GRM7: variants seen among roughly 807,000 people sequenced by gnomAD.
The protein encoded by GRM7 is glutamate metabotropic receptor 7, also known as metabotropic glutamate receptor 7.
GRM7 carries 35 observed loss-of-function variants against 84.5 expected under a neutral mutation model. The observed-to-expected ratio is 0.41, with a 90% CI of 0.32 to 0.55. GRM7 has a LOEUF of 0.55. GRM7 is among the 20% of genes least tolerant of loss of function. The pLI, the probability that GRM7 is intolerant of heterozygous loss-of-function variation, is 0.19. For synonymous variants in GRM7, 487 were observed against 455.1 expected (o/e 1.07, Z -0.89); for missense variants, 1,003 against 1,194.6 (o/e 0.84, Z 2.36).
At chr3:7,038,266 A>C (rs1696454082) in intron 1 of GRM7, among the ~76,000 whole-genome samples, 1 of 152,220 alleles carries the variant, frequency 6.6e-6, no homozygotes, top group Admixed American at 6.5e-5. Context: ...TTCTACAGCT[A>C]ACCAAGAAGG....
chr3:7,006,004 G>A (rs901437546), intron 1 of GRM7, among the ~76,000 whole-genome samples: 1 of 152,080 alleles, frequency 6.6e-6, no homozygotes, highest in African/African-American at 2.4e-5. Context: ...AAACCATATG[G>A]CTAAGATAGA....
chr3:6,863,102 C>A lies in GRM7; in HGVS notation c.519+1195C>A, dbSNP rs1198009752. The A allele has an allele frequency of 2.6e-6, 1 of 383,532 alleles. No individual in the cohort carries two copies. The highest frequency in any genetic ancestry group is 3.5e-5 in the Admixed American group (1 of 28,384). The allele number at this position is 383,532 out of a possible 1,614,324, so 23.8% of individuals were successfully genotyped here. A position where few individuals can be genotyped will look rare whatever the true frequency, so the allele number is the denominator to read the frequency against. On this transcript the variant is annotated intron_variant, in intron 1 of 9. Transcript: ENST00000357716. The surrounding 1 kb of genome is among the most constrained non-coding windows in gnomAD (Gnocchi z 4.8). ...TTTCCCTATATGTGCATCACTCTCT[C>A]TTTCTGTCTCTGTCTCCTTGCTGTT...
At position 7,064,505 on chromosome 3, in the gene GRM7, C is replaced by CACATATACATATATATATATACGCATAT. The variant is rs1553612672; in HGVS notation, c.520-81946_520-81945insCATATACATATATATATATACGCATATA. ...ACACACATATACATATATATATACA[C>CACATATACATATATATATATACGCATAT]ATATATATATATACACACACACACA... On this transcript the variant is annotated intron_variant, in intron 1 of 9. Transcript: ENST00000357716. 6.0e-4 allele frequency among the ~76,000 whole-genome samples: 61 copies of CACATATACATATATATATATACGCATAT among 101,018 alleles called. 1 individual carries two copies. The highest frequency in any genetic ancestry group is 2.0e-3 in the African/African-American group (54 of 26,638). The allele number at this position is 101,018 out of a possible 152,430, so 66.3% of individuals were successfully genotyped here.
chr3:6,911,233 C>T (rs1302142990), intron 1 of GRM7, among the ~76,000 whole-genome samples: 1 of 152,044 alleles, frequency 6.6e-6, no homozygotes, highest in East Asian at 1.9e-4. Context: ...CTACTTAATA[C>T]TATTATTAAA....
chr3:7,551,050 A>G (rs1693442835), intron 7 of GRM7, among the ~76,000 whole-genome samples: 2 of 152,202 alleles, frequency 1.3e-5, no homozygotes, highest in South Asian at 4.1e-4. Flanking sequence ...TCACATTTAT[A>G]AAATATGAAA....
intron 2 of GRM7, among the ~76,000 whole-genome samples, chr3:7,263,128 GC>G (rs778566254): frequency 2.0e-5 from 3 of 152,170 alleles, no homozygotes; most frequent in Non-Finnish European, 2.9e-5. Context: ...GTCCTTGGGG[GC>G]TTAGTTGTGG....
chr3:7,219,591 A>C (rs1696731471), intron 2 of GRM7, among the ~76,000 whole-genome samples: 1 of 152,222 alleles, frequency 6.6e-6, no homozygotes, highest in Non-Finnish European at 1.5e-5. Context: ...TAGGGACATT[A>C]ATATGAGCTC....
chr3:7,305,903 C>T (rs899087068), intron 3 of GRM7, among the ~76,000 whole-genome samples: 2 of 152,072 alleles, frequency 1.3e-5, no homozygotes, highest in African/African-American at 4.8e-5. Flanking sequence ...ATTGCAATAA[C>T]TTTTTCATTA....
At chr3:7,272,567 G>T (rs1447011772) in intron 2 of GRM7, among the ~76,000 whole-genome samples, 1 of 152,026 alleles carries the variant, frequency 6.6e-6, no homozygotes, top group African/African-American at 2.4e-5. Context: ...TCTTCTTGTG[G>T]GAGTTTTGGC....
intron 7 of GRM7, among the ~76,000 whole-genome samples, chr3:7,568,897 G>A (rs1028306096): frequency 2.6e-5 from 4 of 152,186 alleles, no homozygotes; most frequent in Non-Finnish European, 4.4e-5. Context: ...GCTCCTGTGC[G>A]GCCCCAGCCT....
intron 8 of GRM7, among the ~76,000 whole-genome samples, chr3:7,650,964 C>T (rs1698908074): frequency 6.6e-6 from 1 of 152,178 alleles, no homozygotes; most frequent in Non-Finnish European, 1.5e-5. Context: ...TGAAGACTGC[C>T]TCCTGATCCT....
intron 4 of GRM7, among the ~76,000 whole-genome samples, chr3:7,331,359 T>C (rs1192833904): frequency 6.6e-6 from 1 of 152,172 alleles, no homozygotes; most frequent in Non-Finnish European, 1.5e-5. Context: ...AGCTGGAAGA[T>C]TGGAGAATTT....
intron 1 of GRM7, among the ~76,000 whole-genome samples, chr3:6,993,442 GT>G (rs1177633644): frequency 6.6e-6 from 1 of 152,160 alleles, no homozygotes; most frequent in African/African-American, 2.4e-5. Context: ...AAGCAAAGAA[GT>G]GGAAACTCAA....
Position 7,229,478 on chromosome 3 carries a change from G to T in GRM7, c.737-69206G>T, listed in dbSNP as rs191805913. 2.4e-3 allele frequency among the ~76,000 whole-genome samples: 363 copies of T among 151,530 alleles called. 1 individual carries two copies. Among genetic ancestry groups the T allele is most frequent in the African/African-American group, 8.2e-3 (341 of 41,360 alleles). On this transcript the variant is annotated intron_variant, in intron 2 of 9. Coordinates refer to ENST00000357716, the MANE Select transcript of GRM7 (RefSeq NM_000844.4). ...GGACCTCAAACCCAAGAACCCAAGC[G>T]CTTTATGAGTATTACGTTAAATTAC... is the stretch of plus-strand genomic sequence containing the variant.
At chr3:7,171,304 A>G (rs886095414) in intron 2 of GRM7, among the ~76,000 whole-genome samples, 1 of 152,010 alleles carries the variant, frequency 6.6e-6, no homozygotes, top group Non-Finnish European at 1.5e-5. Flanking sequence ...CCCTTTTTAT[A>G]AGGATATCAT....
At chr3:7,122,797 A>G (rs1693268512) in intron 1 of GRM7, among the ~76,000 whole-genome samples, 1 of 152,228 alleles carries the variant, frequency 6.6e-6, no homozygotes, top group African/African-American at 2.4e-5. Flanking sequence ...CATCAGACAC[A>G]AATAACTTTT....
chr3:7,730,457 T>C lies in GRM7; in HGVS notation c.2699-9900T>C, dbSNP rs192933790. 2.8e-3 allele frequency among the ~76,000 whole-genome samples: 431 copies of C among 152,344 alleles called. 7 individuals are homozygous for C. Among genetic ancestry groups the C allele is most frequent in the Middle Eastern group, 0.02 (6 of 294 alleles). ...TGACAAATAGTAGGTGCTCAACAGA[T>C]ACATGTTGAATTGTACTGAACCAGA... On this transcript the variant is annotated intron_variant, in intron 9 of 9. Coordinates refer to ENST00000357716, the MANE Select transcript of GRM7 (RefSeq NM_000844.4).
intron 2 of GRM7, among the ~76,000 whole-genome samples, chr3:7,220,276 T>G (rs1196215277): frequency 1.3e-5 from 2 of 152,186 alleles, no homozygotes; most frequent in Non-Finnish European, 2.9e-5. Context: ...TGACAAACAC[T>G]ATCTCAGTGA....
chr3:7,052,303 T>A lies in GRM7; in HGVS notation c.520-94149T>A, dbSNP rs1480100987. 2.0e-5 allele frequency among the ~76,000 whole-genome samples: 3 copies of A among 151,766 alleles called. No individual in the cohort carries two copies. In the East Asian group the frequency reaches 5.8e-4, roughly 29 times the overall value. The stretch of plus-strand genomic sequence containing the variant: ...TCAGAAAAAGTTCCATACAGTAGTT[T>A]GTTAGTTGAACTCCTTGAGAATTGC... On this transcript the variant is annotated intron_variant, in intron 1 of 9. Coordinates refer to ENST00000357716, the MANE Select transcript of GRM7 (RefSeq NM_000844.4).
Sources: allele counts gnomAD v4.1 joint callset (sites outside exome capture counted in the v4.1 genomes callset), GRCh38; gene constraint gnomAD v4.1.1; non-coding constraint Gnocchi (gnomAD v3.1); transcripts MANE v1.5; gene names NCBI Gene and HGNC (gene_info 2026-07-23, HGNC 2026-07-21).